The following MSRA variants were observed in gnomAD, a reference collection of about 807,000 sequenced individuals.
MSRA encodes mitochondrial peptide methionine sulfoxide reductase.
In MSRA, 54 loss-of-function variants were observed where a neutral mutation model predicts 31.3. The ratio of observed to expected loss-of-function variants is 1.73; its 90% CI spans 1.39 to 2.17. MSRA has a LOEUF of 2.17. MSRA is among the 30% of genes most tolerant of loss of function. MSRA has a pLI of 0.00. For synonymous variants in MSRA, 169 were observed against 116.5 expected (o/e 1.45, Z -2.90); for missense variants, 507 against 300.9 (o/e 1.69, Z -5.07).
chr8:10,386,643 A>T (rs1806409529), intron 5 of MSRA, among the ~76,000 whole-genome samples: 1 of 152,136 alleles, frequency 6.6e-6, no homozygotes, highest in Non-Finnish European at 1.5e-5. Context: ...ATTCAGCAGG[A>T]CTGCGGTCCC....
At chr8:10,418,930 C>A (rs1808645988) in intron 5 of MSRA, among the ~76,000 whole-genome samples, 1 of 151,508 alleles carries the variant, frequency 6.6e-6, no homozygotes, top group African/African-American at 2.4e-5. Flanking sequence ...TGCACTCCAG[C>A]CTGGGTGACA....
chr8:10,352,233 T>A (rs1189680975), intron 5 of MSRA, among the ~76,000 whole-genome samples: 1 of 152,206 alleles, frequency 6.6e-6, no homozygotes, highest in East Asian at 1.9e-4. Flanking sequence ...AGTGAATTTT[T>A]CCTGAATCCT....
intron 3 of MSRA, among the ~76,000 whole-genome samples, chr8:10,270,490 A>G (rs980072250): frequency 6.6e-6 from 1 of 152,174 alleles, no homozygotes; most frequent in African/African-American, 2.4e-5. Flanking sequence ...ATACAAAGAA[A>G]GAGAGTTTTG....
intron 1 of MSRA, among the ~76,000 whole-genome samples, chr8:10,067,076 G>T (rs796927939): frequency 1.7e-4 from 26 of 152,172 alleles, no homozygotes; most frequent in African/African-American, 6.3e-4. Context: ...CAGTCTGTGG[G>T]TTTTGACAGA....
intron 5 of MSRA, among the ~76,000 whole-genome samples, chr8:10,362,029 A>T (rs987521367): frequency 1.3e-5 from 2 of 152,064 alleles, no homozygotes; most frequent in Non-Finnish European, 2.9e-5. Flanking sequence ...TTTGGCCCCA[A>T]GGAAGCAGAC....
intron 1 of MSRA, among the ~76,000 whole-genome samples, chr8:10,167,130 C>T (rs1041969575): frequency 6.6e-6 from 1 of 152,168 alleles, no homozygotes; most frequent in African/African-American, 2.4e-5. Flanking sequence ...ACTGCTTCCC[C>T]AGGTCCCCTC....
At chr8:10,247,717 G>C (rs1242628038) in intron 3 of MSRA, among the ~76,000 whole-genome samples, 1 of 152,072 alleles carries the variant, frequency 6.6e-6, no homozygotes, top group South Asian at 2.1e-4. Flanking sequence ...GATTGGAAAG[G>C]GATAGTTATA....
intron 1 of MSRA, among the ~76,000 whole-genome samples, chr8:10,171,892 A>G (rs377074879): frequency 6.6e-6 from 1 of 152,328 alleles, no homozygotes; most frequent in East Asian, 1.9e-4. Flanking sequence ...GTAATGTTAT[A>G]AGCTGTTTAT....
At chr8:10,115,928 G>A (rs1189106850) in intron 1 of MSRA, among the ~76,000 whole-genome samples, 1 of 152,192 alleles carries the variant, frequency 6.6e-6, no homozygotes, top group African/African-American at 2.4e-5. Context: ...ATAAAACCAG[G>A]TTGTGGTGGG....
chr8:10,243,695 GTTA>G (rs1359393153), intron 2 of MSRA, among the ~76,000 whole-genome samples: 1 of 152,072 alleles, frequency 6.6e-6, no homozygotes, highest in East Asian at 1.9e-4. Context: ...TACAGTAGTG[GTTA>G]TTATCACTTT....
At chr8:10,107,107 C>T (rs1267103424) in intron 1 of MSRA, among the ~76,000 whole-genome samples, 1 of 152,152 alleles carries the variant, frequency 6.6e-6, no homozygotes, top group Admixed American at 6.6e-5. Context: ...TGGTGAAGGA[C>T]TACAGATCAG....
intron 2 of MSRA, among the ~76,000 whole-genome samples, chr8:10,208,309 C>T (rs963284854): frequency 1.3e-5 from 2 of 151,690 alleles, no homozygotes; most frequent in East Asian, 3.9e-4. Context: ...ATTGAATGAT[C>T]TCTTCCTTCT....
intron 1 of MSRA, among the ~76,000 whole-genome samples, chr8:10,185,960 C>G (rs1415227444): frequency 1.3e-5 from 2 of 151,924 alleles, no homozygotes; most frequent in African/African-American, 2.4e-5. Context: ...AGGAGGAGTT[C>G]TGGGTTGGGG....
chr8:10,361,017 C>G (rs371936144), intron 5 of MSRA, among the ~76,000 whole-genome samples: 6 of 152,278 alleles, frequency 3.9e-5, no homozygotes, highest in Non-Finnish European at 2.9e-5. Flanking sequence ...AGTTTTCAAC[C>G]CGATAAACAG....
At chr8:10,147,063 G>C (rs1259738142) in intron 1 of MSRA, among the ~76,000 whole-genome samples, 1 of 152,184 alleles carries the variant, frequency 6.6e-6, no homozygotes, top group Admixed American at 6.5e-5. Context: ...ATGAGTGCCG[G>C]TTGCAGTGAG....
chr8:10,290,926 G>A (rs1800198721), intron 3 of MSRA, among the ~76,000 whole-genome samples: 1 of 152,138 alleles, frequency 6.6e-6, no homozygotes, highest in African/African-American at 2.4e-5. Flanking sequence ...GTGGGAGTTT[G>A]GTGCCAGTCT....
intron 1 of MSRA, among the ~76,000 whole-genome samples, chr8:10,127,439 A>G (rs1801582628): frequency 6.6e-6 from 1 of 152,244 alleles, no homozygotes; most frequent in African/African-American, 2.4e-5. Context: ...AAGGAGAAAC[A>G]GCTTCTGAGC....
intron 5 of MSRA, among the ~76,000 whole-genome samples, chr8:10,396,323 T>G (rs1294626434): frequency 1.3e-5 from 2 of 152,072 alleles, no homozygotes; most frequent in Non-Finnish European, 2.9e-5. Flanking sequence ...ACACACTGAG[T>G]GGGAAGAGCT....
chr8:10,194,825 G>A (rs1335299666), intron 1 of MSRA, among the ~76,000 whole-genome samples: 1 of 152,202 alleles, frequency 6.6e-6, no homozygotes, highest in Non-Finnish European at 1.5e-5. Flanking sequence ...TCCCAGCCTG[G>A]CCCTCAGCCC....
Sources: allele counts gnomAD v4.1 joint callset (sites outside exome capture counted in the v4.1 genomes callset), GRCh38; gene constraint gnomAD v4.1.1; transcripts MANE v1.5; gene names NCBI Gene and HGNC (gene_info 2026-07-23, HGNC 2026-07-21).